GZF1: variants seen among roughly 807,000 people sequenced by gnomAD.
GZF1 encodes GDNF-inducible zinc finger protein 1.
Under a neutral mutation model 49.4 loss-of-function variants are expected in GZF1, and 28 were observed. That is an observed-to-expected ratio of 0.57 (90% confidence interval 0.42 to 0.78). GZF1 has a LOEUF of 0.78. Ranked by LOEUF, GZF1 falls within the 30% of genes least tolerant of loss-of-function variation. The pLI, the probability that GZF1 is intolerant of heterozygous loss-of-function variation, is 0.00. For missense variants in GZF1, 798 were observed against 916.2 expected (o/e 0.87, Z 1.67); for synonymous variants, 364 against 356.0 (o/e 1.02, Z -0.25).
rs1981940475 is a variant in GZF1, at chr20:23,370,284, T to C, written c.1979T>C (p.Met660Thr). Residue 660 changes from methionine (M) to threonine (T), a missense_variant, in exon 6 of 6, where the codon ATG becomes ACG. Transcript: ENST00000338121. The stretch of plus-strand genomic sequence containing the variant: ...GCAGTCCAAGACACTGTACCTACCA[T>C]GCAGGAGAACAGTTCTGCTGACACA... ...LAAVQDTVPT[M>T]QENSSADTAC... is the part of the protein sequence containing the mutation. The C allele has an allele frequency of 2.5e-6, 4 of 1,614,180 alleles. No individual in the cohort carries two copies. The South Asian group carries it at 3.3e-5, about 13-fold the overall frequency.
upstream of GZF1, among the ~76,000 whole-genome samples, chr20:23,361,919 C>G (rs1397187068): frequency 6.6e-6 from 1 of 152,218 alleles, no homozygotes; most frequent in Non-Finnish European, 1.5e-5. Flanking sequence ...CGTGCCGCAG[C>G]GCAGACGTCG....
chr20:23,364,607 CTAA>C lies in GZF1; in HGVS notation c.226_228del (p.Asn76del). The C allele has an allele frequency of 6.2e-7, 1 of 1,614,220 alleles. No homozygotes were observed. Among genetic ancestry groups the C allele is most frequent in the Non-Finnish European group, 8.5e-7 (1 of 1,180,038 alleles). On this transcript the variant is annotated inframe_deletion, in exon 2 of 6. Coordinates refer to ENST00000338121, the MANE Select transcript of GZF1 (RefSeq NM_022482.5). Reference sequence around the variant, plus strand: ...GAGAAGAGTGTGGATGGTACTAGGACTAATGTCTACTTAAATGAAGTGCAGGTT... The same window carrying C: ...GAGAAGAGTGTGGATGGTACTAGGACTGTCTACTTAAATGAAGTGCAGGTT...
upstream of GZF1, among the ~76,000 whole-genome samples, chr20:23,361,640 C>T (rs534868252): frequency 2.0e-5 from 3 of 152,318 alleles, no homozygotes; most frequent in Non-Finnish European, 2.9e-5. Context: ...CCCGTGGAGG[C>T]ATCTGCGCCC....
intron 3 of GZF1, among the ~76,000 whole-genome samples, chr20:23,368,424 A>G (rs1384676601): frequency 2.0e-5 from 3 of 152,210 alleles, no homozygotes. Flanking sequence ...TCCTTTGAAA[A>G]TAATCCAGCA....
intron 3 of GZF1, 64 bp downstream of exon 3, chr20:23,367,161 A>G (rs910337602): frequency 2.5e-6 from 3 of 1,216,220 alleles, no homozygotes; most frequent in Non-Finnish European, 3.6e-6. Flanking sequence ...GCAATTGATT[A>G]ATTTTGAAGT....
rs1982190755 is a variant in GZF1, at chr20:23,372,663, C to T, written c.*2222C>T. On this transcript the variant is annotated 3_prime_UTR_variant, in exon 6 of 6. Coordinates refer to ENST00000338121, the MANE Select transcript of GZF1 (RefSeq NM_022482.5). The stretch of plus-strand genomic sequence containing the variant: ...CTCCTGGAGCATCTGCCCCATTCCT[C>T]CAAGTCCAAGCACAGCCATGCTGAG... 6.6e-6 allele frequency: 1 copy of T among 152,278 alleles called. No individual in the cohort carries two copies. Among genetic ancestry groups the T allele is most frequent in the African/African-American group, 2.4e-5 (1 of 41,450 alleles). 9.4% of individuals were successfully genotyped at this position (152,278 alleles called of 1,614,324 possible).
chr20:23,361,633 G>T (rs1478439696), upstream of GZF1, among the ~76,000 whole-genome samples: 1 of 152,208 alleles, frequency 6.6e-6, no homozygotes, highest in Non-Finnish European at 1.5e-5. Context: ...TCCAGCGCCC[G>T]TGGAGGCATC....
At position 23,370,538 on chromosome 20, in the gene GZF1, T is replaced by C; in HGVS notation, c.*97T>C. 1.2e-6 allele frequency: 1 copy of C among 834,502 alleles called. No homozygotes were observed. The highest frequency in any genetic ancestry group is 1.9e-6 in the Non-Finnish European group (1 of 516,462). 51.7% of individuals were successfully genotyped at this position (834,502 alleles called of 1,614,324 possible). On this transcript the variant is annotated 3_prime_UTR_variant, in exon 6 of 6. Transcript: ENST00000338121. The stretch of plus-strand genomic sequence containing the variant: ...AAAAATAATTGTCCATGTGCAAAGA[T>C]GTGGGCAAGAATGGCCTCTGCAGAT...
In GZF1 at chr20:23,365,765, C is replaced by T. The variant is rs1981285851; in HGVS notation, c.1364+18C>T. 25 of 1,500,964 alleles carry T rather than the reference C, an allele frequency of 1.7e-5. No homozygotes were observed. Among genetic ancestry groups the T allele is most frequent in the Non-Finnish European group, 2.1e-5 (24 of 1,131,082 alleles). 93.0% of individuals were successfully genotyped at this position (1,500,964 alleles called of 1,614,324 possible). On this transcript the variant is annotated intron_variant, in intron 2 of 5. Transcript: ENST00000338121. ...CACATGAGGTACGCGGGGAGCCGTCCGGAGGGGTCCCTGCGCACTGGAAGG... is the reference window on the plus strand; with the variant it reads ...CACATGAGGTACGCGGGGAGCCGTCTGGAGGGGTCCCTGCGCACTGGAAGG...
Position 23,371,729 on chromosome 20 carries a change from G to T in GZF1, c.*1288G>T, listed in dbSNP as rs576938024. 1 of 152,368 alleles carries T rather than the reference G, an allele frequency of 6.6e-6. No individual in the cohort carries two copies. The highest frequency in any genetic ancestry group is 2.1e-4 in the South Asian group (1 of 4,818). The allele number at this position is 152,368 out of a possible 1,614,324, so 9.4% of individuals were successfully genotyped here. A position where few individuals can be genotyped will look rare whatever the true frequency, so the allele number is the denominator to read the frequency against. ...ACATTTAAACATTAATTTAAAAAGG[G>T]AACCTTGGAGAATTCTTTTGTTCAC... On this transcript the variant is annotated 3_prime_UTR_variant, in exon 6 of 6. Coordinates refer to ENST00000338121, the MANE Select transcript of GZF1 (RefSeq NM_022482.5).
At chr20:23,364,158 A>C (rs1981016340) in intron 1 of GZF1, among the ~76,000 whole-genome samples, 1 of 152,220 alleles carries the variant, frequency 6.6e-6, no homozygotes, top group South Asian at 2.1e-4. Context: ...ACTATTTTTC[A>C]TGCCAATTTA....
chr20:23,368,134 A>C (rs957960626), intron 3 of GZF1, among the ~76,000 whole-genome samples: 1 of 152,248 alleles, frequency 6.6e-6, no homozygotes, highest in African/African-American at 2.4e-5. Flanking sequence ...GATTGGGGAC[A>C]AGGTCAGGTT....
At chr20:23,366,376 GGTCA>G (rs1399754249) in intron 2 of GZF1, among the ~76,000 whole-genome samples, 1 of 152,128 alleles carries the variant, frequency 6.6e-6, no homozygotes, top group Non-Finnish European at 1.5e-5. Context: ...CTCAAACCTA[GGTCA>G]GTCTTGGGTT....
intron 3 of GZF1, 112 bp from the exon 4 acceptor site, chr20:23,368,650 C>G (rs1336082419): frequency 3.5e-6 from 2 of 565,718 alleles, no homozygotes; most frequent in East Asian, 6.3e-5. Flanking sequence ...ATGTAACATG[C>G]TGCCTACCAA....
At chr20:23,370,049 A>G (rs1173172457) in intron 5 of GZF1, 42 bp from the exon 6 acceptor site, 1 of 1,514,412 alleles carries the variant, frequency 6.6e-7, no homozygotes, top group Non-Finnish European at 9.2e-7. Flanking sequence ...GCACTTGTCC[A>G]GAGACACATT....
Position 23,364,587 on chromosome 20 carries a change from G to A in GZF1, c.204G>A (p.Lys68=), listed in dbSNP as rs1419336799. 2.5e-6 allele frequency: 4 copies of A among 1,614,112 alleles called. No individual in the cohort carries two copies. The highest frequency in any genetic ancestry group is 2.5e-6 in the Non-Finnish European group (3 of 1,180,048). ...KFFKEVFLNE[K]SVDGTRTNVY... ...TTAAGGAAGTGTTCCTTAATGAGAA[G>A]AGTGTGGATGGTACTAGGACTAATG... Residue 68 remains lysine, a synonymous_variant, in exon 2 of 6, where the codon AAG becomes AAA. Coordinates refer to ENST00000338121, the MANE Select transcript of GZF1 (RefSeq NM_022482.5).
intron 3 of GZF1, among the ~76,000 whole-genome samples, chr20:23,368,180 A>C (rs1206200533): frequency 1.3e-5 from 2 of 151,984 alleles, no homozygotes; most frequent in Non-Finnish European, 2.9e-5. Context: ...GTCCTTTGAT[A>C]ATATTAACAT....
chr20:23,369,994 A>C (rs1161584313), intron 5 of GZF1, 97 bp from the exon 6 acceptor site: 2 of 1,105,986 alleles, frequency 1.8e-6, no homozygotes, highest in East Asian at 5.0e-5. Context: ...CTTATTAGTG[A>C]AAGTTGAAAA....
Position 23,364,701 on chromosome 20 carries a change from G to A in GZF1, c.318G>A (p.Val106=), listed in dbSNP as rs367955768. The A allele has an allele frequency of 2.5e-6, 4 of 1,614,158 alleles. No homozygotes were observed. The African/African-American group carries it at 5.3e-5, about 22-fold the overall frequency. ...TAKVQVEEDR[V]QRMLEVAEKL... is the part of the protein sequence containing the mutation. ...AGGTACAGGTGGAAGAAGATCGGGTGCAGCGAATGCTGGAAGTGGCTGAAA... is the reference window on the plus strand; with the variant it reads ...AGGTACAGGTGGAAGAAGATCGGGTACAGCGAATGCTGGAAGTGGCTGAAA... Residue 106 remains valine, a synonymous_variant, in exon 2 of 6, where the codon GTG becomes GTA. Coordinates refer to ENST00000338121, the MANE Select transcript of GZF1 (RefSeq NM_022482.5).
Sources: gnomAD v4.1 joint callset for allele counts (sites outside exome capture counted in the v4.1 genomes callset) on GRCh38, gnomAD v4.1.1 for gene constraint, MANE v1.5 for transcripts, NCBI Gene and HGNC (gene_info 2026-07-23, HGNC 2026-07-21) for gene names.